Variants in CDIN1 observed in about 807,000 individuals in gnomAD.
The protein encoded by CDIN1 is CDAN1-interacting nuclease 1.
A neutral mutation model predicts 45.3 loss-of-function variants in CDIN1; 33 were observed. The ratio of observed to expected loss-of-function variants is 0.73; its 90% CI spans 0.55 to 0.97. The LOEUF (loss-of-function observed/expected upper bound fraction) is 0.97, where lower values mean the gene tolerates loss of function less well. CDIN1 is among the 50% of genes least tolerant of loss of function. The pLI is 0.00. For synonymous variants in CDIN1, 118 were observed against 124.4 expected, an observed-to-expected ratio of 0.95 and a Z score of 0.34; for missense variants, 303 against 339.4, an observed-to-expected ratio of 0.89 and a Z score of 0.84.
intron 3 of CDIN1, 70 bp from the exon 4 acceptor site, chr15:36,654,028 A>G: frequency 8.7e-7 from 1 of 1,148,868 alleles, no homozygotes; most frequent in South Asian, 1.3e-5. Context: ...GTATACACAC[A>G]GGGGATGCTG....
chr15:36,643,044 C>T (rs908751812), intron 1 of CDIN1, among the ~76,000 whole-genome samples: 1 of 152,068 alleles, frequency 6.6e-6, no homozygotes, highest in Non-Finnish European at 1.5e-5. Context: ...ATAAAATTGG[C>T]TCTTTCAAAG....
chr15:36,689,549 G>C lies in CDIN1; in HGVS notation c.347-2136G>C, dbSNP rs532965750. The stretch of plus-strand genomic sequence containing the variant: ...AAAAGAATGTGTCTGCCATTACCAT[G>C]TGGTGACTCGAGTGGCAGGCCAGAG... On this transcript the variant is annotated intron_variant, in intron 5 of 10. Coordinates refer to ENST00000566621, the MANE Select transcript of CDIN1 (RefSeq NM_001321759.2). Among the ~76,000 whole-genome samples, 172 of 152,298 alleles carry C rather than the reference G, an allele frequency of 1.1e-3. 2 individuals are homozygous for C. The South Asian group carries it at 0.016, about 14-fold the overall frequency.
At chr15:36,714,428 G>T (rs190330021) in intron 10 of CDIN1, among the ~76,000 whole-genome samples, 2 of 152,090 alleles carry the variant, frequency 1.3e-5, no homozygotes, top group Admixed American at 1.3e-4. Context: ...GTTTCTTTAA[G>T]GGTTGCATGA....
At chr15:36,652,806 T>C (rs181260582) in intron 3 of CDIN1, among the ~76,000 whole-genome samples, 307 of 152,304 alleles carry the variant, frequency 2.0e-3, no homozygotes, top group African/African-American at 6.3e-3. Context: ...AATATACTCA[T>C]GAAATAATAT....
intron 10 of CDIN1, among the ~76,000 whole-genome samples, chr15:36,789,833 T>G (rs903190698): frequency 6.6e-6 from 1 of 152,194 alleles, no homozygotes; most frequent in Non-Finnish European, 1.5e-5. Flanking sequence ...ATCTTCAAAA[T>G]TGACATGGGG....
chr15:36,699,406 TAAAC>T (rs1039190827), intron 8 of CDIN1, among the ~76,000 whole-genome samples: 4 of 152,154 alleles, frequency 2.6e-5, no homozygotes, highest in African/African-American at 4.8e-5. Context: ...TATTGGTAAA[TAAAC>T]AGACCACTAA....
intron 10 of CDIN1, among the ~76,000 whole-genome samples, chr15:36,768,607 G>C (rs1396691522): frequency 1.3e-5 from 2 of 152,164 alleles, no homozygotes; most frequent in African/African-American, 4.8e-5. Context: ...CCTTTACGCA[G>C]ATCCCCATCC....
intron 1 of CDIN1, among the ~76,000 whole-genome samples, chr15:36,598,857 T>C (rs2037964832): frequency 6.6e-6 from 1 of 152,162 alleles, no homozygotes; most frequent in South Asian, 2.1e-4. Context: ...TTGGCCATGG[T>C]AGTTACTTTT....
At chr15:36,636,250 A>T (rs1195652464) in intron 1 of CDIN1, among the ~76,000 whole-genome samples, 1 of 152,134 alleles carries the variant, frequency 6.6e-6, no homozygotes, top group Admixed American at 6.6e-5. Context: ...GCACTGATGG[A>T]GTTATTAAAA....
At chr15:36,788,763 G>A (rs1370107863) in intron 10 of CDIN1, among the ~76,000 whole-genome samples, 1 of 152,072 alleles carries the variant, frequency 6.6e-6, no homozygotes. Flanking sequence ...GATGCAAATT[G>A]TAAGGACTCA....
chr15:36,673,006 T>C (rs2041509053), intron 5 of CDIN1, among the ~76,000 whole-genome samples: 1 of 152,016 alleles, frequency 6.6e-6, no homozygotes, highest in East Asian at 1.9e-4. Context: ...GAAAAGGCAT[T>C]AGAAGGTCCC....
chr15:36,600,028 T>C (rs1041798173), intron 1 of CDIN1, among the ~76,000 whole-genome samples: 2 of 152,362 alleles, frequency 1.3e-5, no homozygotes, highest in Non-Finnish European at 2.9e-5. Flanking sequence ...GGTCATGCTA[T>C]GTTGGGCATT....
chr15:36,606,868 CAATTAGGGGGTGGTT>C (rs1374526743), intron 1 of CDIN1, among the ~76,000 whole-genome samples: 3 of 152,084 alleles, frequency 2.0e-5, no homozygotes, highest in Admixed American at 1.3e-4. Context: ...TCTTTTTGTA[CAATTAGGGGGTGGTT>C]AATTTACTCT....
At chr15:36,742,234 C>T (rs944810236) in intron 10 of CDIN1, among the ~76,000 whole-genome samples, 1 of 151,972 alleles carries the variant, frequency 6.6e-6, no homozygotes, top group African/African-American at 2.4e-5. Context: ...CTAGACAAGA[C>T]CAGCTGGAAG....
At chr15:36,748,973 A>G (rs1018653580) in intron 10 of CDIN1, among the ~76,000 whole-genome samples, 6 of 152,206 alleles carry the variant, frequency 3.9e-5, no homozygotes, top group African/African-American at 1.4e-4. Flanking sequence ...ACAAGAGGAT[A>G]TAAAGTCAGT....
intron 5 of CDIN1, chr15:36,668,903 C>T (rs2041347014): frequency 6.6e-6 from 1 of 152,046 alleles, no homozygotes; most frequent in Admixed American, 6.6e-5. Flanking sequence ...TGGCATGTTA[C>T]TTGGCACATA....
intron 1 of CDIN1, among the ~76,000 whole-genome samples, chr15:36,590,814 A>G (rs2037536279): frequency 6.6e-6 from 1 of 152,180 alleles, no homozygotes; most frequent in Non-Finnish European, 1.5e-5. Flanking sequence ...AAAATCCCCA[A>G]GTTTGCAGTT....
intron 10 of CDIN1, among the ~76,000 whole-genome samples, chr15:36,807,164 T>C (rs1306837688): frequency 3.9e-5 from 6 of 152,188 alleles, no homozygotes; most frequent in Non-Finnish European, 7.3e-5. Flanking sequence ...TGACATCCAA[T>C]TGAACTTGTC....
Position 36,751,290 on chromosome 15 carries a change from A to G in CDIN1, c.716+41329A>G, listed in dbSNP as rs184823105. On this transcript the variant is annotated intron_variant, in intron 10 of 10. Coordinates refer to ENST00000566621, the MANE Select transcript of CDIN1 (RefSeq NM_001321759.2). ...CTAATAGAGTTAAAAATAGGCATAC[A>G]TATGGTTGAGAAGAGATTTAATTCA... Among the ~76,000 whole-genome samples, 187 of 145,892 alleles carry G rather than the reference A, an allele frequency of 1.3e-3. 2 individuals are homozygous for G. The highest frequency in any genetic ancestry group is 4.3e-3 in the African/African-American group (172 of 39,622).
Sources: gnomAD v4.1 joint callset for allele counts (sites outside exome capture counted in the v4.1 genomes callset) on GRCh38, gnomAD v4.1.1 for gene constraint, MANE v1.5 for transcripts, NCBI Gene and HGNC (gene_info 2026-07-23, HGNC 2026-07-21) for gene names.